KDM4C: variants seen among roughly 807,000 people sequenced by gnomAD.
KDM4C encodes the protein lysine-specific demethylase 4C.
In KDM4C, 81 loss-of-function variants were observed where a neutral mutation model predicts 129.3. The observed-to-expected ratio is 0.63, with a 90% CI of 0.52 to 0.75. KDM4C has a LOEUF of 0.75. Among genes scored for constraint, KDM4C ranks in the 30% least tolerant of loss-of-function variants. KDM4C has a pLI of 0.00. For missense variants in KDM4C, 1,457 were observed against 1,304.0 expected (o/e 1.12, Z -1.81); for synonymous variants, 573 against 456.1 (o/e 1.26, Z -3.26).
chr9:7,100,948 G>A (rs992635051), intron 17 of KDM4C, among the ~76,000 whole-genome samples: 2 of 152,084 alleles, frequency 1.3e-5, no homozygotes, highest in Admixed American at 6.5e-5. Flanking sequence ...AGTTCCACCT[G>A]TTTCCCATGG....
intron 19 of KDM4C, among the ~76,000 whole-genome samples, chr9:7,159,217 G>A (rs550926171): frequency 1.3e-5 from 2 of 152,024 alleles, no homozygotes; most frequent in Non-Finnish European, 2.9e-5. Context: ...TTTTGTACCT[G>A]TGTGTGTCTC....
At chr9:7,091,134 A>G (rs1835749774) in intron 17 of KDM4C, among the ~76,000 whole-genome samples, 2 of 152,136 alleles carry the variant, frequency 1.3e-5, no homozygotes, top group African/African-American at 2.4e-5. Context: ...AATATTTCAA[A>G]TGAACCTGAC....
chr9:6,867,016 TA>T (rs1194422736), intron 5 of KDM4C, among the ~76,000 whole-genome samples: 861 of 51,756 alleles, frequency 0.017, 10 homozygotes, highest in African/African-American at 0.047. Flanking sequence ...TATATATATA[TA>T]TTTTTTTTTT....
At chr9:7,043,907 C>G (rs564442023) in intron 15 of KDM4C, among the ~76,000 whole-genome samples, 8 of 152,046 alleles carry the variant, frequency 5.3e-5, no homozygotes, top group Admixed American at 4.6e-4. Flanking sequence ...TAATCCTTTG[C>G]TAATTTTCAA....
At position 6,958,598 on chromosome 9, in the gene KDM4C, A is replaced by G. The variant is rs145814107; in HGVS notation, c.922-22327A>G. ...CAAGACTCTGTCTGAAAAAAAAAAA[A>G]TCGTATCACACTGAGTAAGGAATAT... On this transcript the variant is annotated intron_variant, in intron 8 of 21. Coordinates refer to ENST00000381309, the MANE Select transcript of KDM4C (RefSeq NM_015061.6). Among the ~76,000 whole-genome samples the G allele has an allele frequency of 3.1e-3, 478 of 151,906 alleles. 2 individuals carry two copies. Among genetic ancestry groups the G allele is most frequent in the African/African-American group, 0.01 (425 of 41,356 alleles).
intron 5 of KDM4C, among the ~76,000 whole-genome samples, chr9:6,863,286 C>A (rs978538552): frequency 6.6e-6 from 1 of 152,010 alleles, no homozygotes; most frequent in African/African-American, 2.4e-5. Flanking sequence ...GGGCTTCATA[C>A]TGGAGTTATG....
chr9:7,077,825 C>T (rs1834096501), intron 17 of KDM4C, among the ~76,000 whole-genome samples: 1 of 152,174 alleles, frequency 6.6e-6, no homozygotes, highest in African/African-American at 2.4e-5. Context: ...TATCTAATTT[C>T]TGTATATTTG....
intron 15 of KDM4C, among the ~76,000 whole-genome samples, chr9:7,034,031 G>C (rs892202721): frequency 3.3e-5 from 5 of 151,624 alleles, no homozygotes; most frequent in Non-Finnish European, 7.4e-5. Flanking sequence ...TGGTGGTGGT[G>C]GTGGGGCATC....
intron 15 of KDM4C, 133 bp from the exon 16 acceptor site, chr9:7,046,729 T>C (rs1278545830): frequency 8.4e-6 from 6 of 714,084 alleles, no homozygotes; most frequent in Non-Finnish European, 1.0e-5. Flanking sequence ...TTCTCAGAGA[T>C]AGACCTTCAT....
In KDM4C at chr9:6,741,410, A is replaced by G. The variant is rs576786590; in HGVS notation, c.49+20413A>G. ...ACTCTATCTCAAAAAACAAAAAACA[A>G]AAACAAAAACTCAAGAGGAAAAGAA... is the stretch of plus-strand genomic sequence containing the variant. On this transcript the variant is annotated intron_variant, in intron 1 of 17. Transcript: ENST00000536108. Among the ~76,000 whole-genome samples, 17 of 152,056 alleles carry G rather than the reference A, an allele frequency of 1.1e-4. No individual in the cohort carries two copies. The East Asian group carries it at 2.7e-3, about 24-fold the overall frequency.
intron 15 of KDM4C, among the ~76,000 whole-genome samples, chr9:7,045,754 G>T (rs528613066): frequency 6.6e-6 from 1 of 151,972 alleles, no homozygotes; most frequent in African/African-American, 2.4e-5. Flanking sequence ...AAACCTGTTG[G>T]ACATTTCTAG....
chr9:7,132,805 T>G (rs1840787330), intron 19 of KDM4C, among the ~76,000 whole-genome samples: 1 of 152,180 alleles, frequency 6.6e-6, no homozygotes, highest in African/African-American at 2.4e-5. Context: ...TTGAGCTCAC[T>G]TTGAGGGAGG....
intron 9 of KDM4C, among the ~76,000 whole-genome samples, 200 bp downstream of exon 9, chr9:6,981,318 G>A (rs1816730642): frequency 6.6e-6 from 1 of 152,168 alleles, no homozygotes; most frequent in Non-Finnish European, 1.5e-5. Flanking sequence ...TATTTTGTTT[G>A]AGAATATTCC....
At chr9:6,856,947 C>T (rs1046218059) in intron 5 of KDM4C, among the ~76,000 whole-genome samples, 6 of 151,900 alleles carry the variant, frequency 3.9e-5, no homozygotes, top group South Asian at 2.1e-4. Flanking sequence ...TTAGTAGAGA[C>T]GGGGTTTCAC....
At chr9:6,992,961 C>CT (rs1819023163) in intron 12 of KDM4C, among the ~76,000 whole-genome samples, 1 of 152,220 alleles carries the variant, frequency 6.6e-6, no homozygotes, top group Non-Finnish European at 1.5e-5. Flanking sequence ...TGCTATGCCA[C>CT]TGGCAGCTGA....
At chr9:6,822,430 C>A (rs1833187469) in intron 4 of KDM4C, among the ~76,000 whole-genome samples, 1 of 152,182 alleles carries the variant, frequency 6.6e-6, no homozygotes, top group Admixed American at 6.5e-5. Context: ...ATATAATTGA[C>A]TACATTGATT....
intron 8 of KDM4C, among the ~76,000 whole-genome samples, chr9:6,953,562 C>T (rs115576264): frequency 0.011 from 1,711 of 152,198 alleles, 25 homozygotes; most frequent in African/African-American, 0.037. Context: ...TTTGATAGCT[C>T]ATTTTGAAAA....
intron 8 of KDM4C, among the ~76,000 whole-genome samples, chr9:6,951,304 A>T (rs553999143): frequency 4.6e-5 from 7 of 152,222 alleles, no homozygotes; most frequent in Non-Finnish European, 7.3e-5. Context: ...ATCCTTTAAC[A>T]CATCTCTCCC....
intron 19 of KDM4C, among the ~76,000 whole-genome samples, chr9:7,144,007 C>T (rs1222421464): frequency 1.3e-5 from 2 of 152,124 alleles, no homozygotes; most frequent in Non-Finnish European, 2.9e-5. Flanking sequence ...TGGCATTGCT[C>T]ACATTTTTTT....
Sources: gnomAD v4.1 joint callset for allele counts (sites outside exome capture counted in the v4.1 genomes callset) on GRCh38, gnomAD v4.1.1 for gene constraint, MANE v1.5 for transcripts, NCBI Gene and HGNC (gene_info 2026-07-23, HGNC 2026-07-21) for gene names.